Variants in ZNF804B observed in about 807,000 individuals in gnomAD.
ZNF804B encodes zinc finger protein 804B, also known as zinc finger 804B.
A neutral mutation model predicts 101.4 loss-of-function variants in ZNF804B; 80 were observed. The observed-to-expected ratio is 0.79, with a 90% CI of 0.66 to 0.95. The LOEUF is 0.95. ZNF804B is among the 40% of genes least tolerant of loss of function. ZNF804B has a pLI of 0.00. For missense variants in ZNF804B, 1,673 were observed against 1,561.9 expected, an observed-to-expected ratio of 1.07 and a Z score of -1.20; for synonymous variants, 622 against 558.8, an observed-to-expected ratio of 1.11 and a Z score of -1.59.
chr7:88,846,305 A>G (rs557245893), intron 1 of ZNF804B, among the ~76,000 whole-genome samples: 1 of 152,234 alleles, frequency 6.6e-6, no homozygotes, highest in African/African-American at 2.4e-5. Context: ...ACTGAGTAGA[A>G]AAAAACTATG....
At chr7:89,017,343 T>A (rs1235868622) in intron 1 of ZNF804B, among the ~76,000 whole-genome samples, 1 of 152,138 alleles carries the variant, frequency 6.6e-6, no homozygotes, top group Admixed American at 6.6e-5. Context: ...TCTCCTGCCT[T>A]ACTGCCCTGG....
intron 1 of ZNF804B, among the ~76,000 whole-genome samples, chr7:88,764,230 A>C (rs759397366): frequency 9.2e-5 from 14 of 152,168 alleles, no homozygotes; most frequent in Non-Finnish European, 2.1e-4. Flanking sequence ...AATGGTAGAT[A>C]TATATTTTAT....
chr7:89,145,457 A>C (rs1490790380), intron 1 of ZNF804B, among the ~76,000 whole-genome samples: 1 of 152,060 alleles, frequency 6.6e-6, no homozygotes, highest in Non-Finnish European at 1.5e-5. Flanking sequence ...TAATGCATTC[A>C]TACATTTAAA....
intron 2 of ZNF804B, among the ~76,000 whole-genome samples, chr7:89,243,925 C>T (rs1217562454): frequency 1.3e-5 from 2 of 151,750 alleles, no homozygotes; most frequent in East Asian, 3.9e-4. Context: ...TTTATATTTC[C>T]AAATACATAA....
At chr7:89,322,206 G>A (rs946625863) in intron 2 of ZNF804B, among the ~76,000 whole-genome samples, 5 of 152,076 alleles carry the variant, frequency 3.3e-5, no homozygotes, top group African/African-American at 9.7e-5. Flanking sequence ...ACTGTTAACC[G>A]CTTGACATAA....
At chr7:89,004,140 A>G (rs1788335474) in intron 1 of ZNF804B, among the ~76,000 whole-genome samples, 1 of 151,692 alleles carries the variant, frequency 6.6e-6, no homozygotes, top group Non-Finnish European at 1.5e-5. Flanking sequence ...GGCACTGGTA[A>G]TATCTGGTTA....
intron 1 of ZNF804B, among the ~76,000 whole-genome samples, chr7:88,916,172 T>C (rs1407039353): frequency 6.6e-6 from 1 of 152,070 alleles, no homozygotes; most frequent in Non-Finnish European, 1.5e-5. Flanking sequence ...GAATTTACAT[T>C]TTCCATTATT....
chr7:89,136,530 T>C (rs1790636629), intron 1 of ZNF804B, among the ~76,000 whole-genome samples: 1 of 152,058 alleles, frequency 6.6e-6, no homozygotes, highest in African/African-American at 2.4e-5. Context: ...CTGCCACCTT[T>C]CCCCCAGCTT....
At chr7:89,217,249 T>A (rs1412784020) in intron 1 of ZNF804B, among the ~76,000 whole-genome samples, 2 of 152,182 alleles carry the variant, frequency 1.3e-5, no homozygotes, top group Non-Finnish European at 2.9e-5. Flanking sequence ...GTTTTTCTGG[T>A]ATATTGAGAA....
chr7:88,868,884 C>T (rs768665126), intron 1 of ZNF804B, among the ~76,000 whole-genome samples: 2 of 152,186 alleles, frequency 1.3e-5, no homozygotes, highest in African/African-American at 2.4e-5. Flanking sequence ...AGACAGGAAT[C>T]GCATTTTAAT....
At chr7:88,928,803 G>A (rs1792842866) in intron 1 of ZNF804B, among the ~76,000 whole-genome samples, 1 of 152,046 alleles carries the variant, frequency 6.6e-6, no homozygotes, top group African/African-American at 2.4e-5. Context: ...TAACAGTTAA[G>A]TATCTTGCTT....
chr7:88,983,867 C>A (rs1251831031), intron 1 of ZNF804B, among the ~76,000 whole-genome samples: 3 of 151,930 alleles, frequency 2.0e-5, no homozygotes, highest in Non-Finnish European at 2.9e-5. Context: ...GATCATTTAC[C>A]TTGAAAATTT....
At chr7:89,006,581 TTAA>T (rs1400419551) in intron 1 of ZNF804B, among the ~76,000 whole-genome samples, 1 of 152,016 alleles carries the variant, frequency 6.6e-6, no homozygotes, top group Non-Finnish European at 1.5e-5. Flanking sequence ...ATTTATCATA[TTAA>T]TAATTTAAAG....
intron 2 of ZNF804B, among the ~76,000 whole-genome samples, chr7:89,235,871 GTAAA>G (rs1446206090): frequency 1.3e-5 from 2 of 151,710 alleles, no homozygotes; most frequent in Non-Finnish European, 2.9e-5. Flanking sequence ...GAAATAGGTA[GTAAA>G]TAAATGTGTA....
intron 1 of ZNF804B, among the ~76,000 whole-genome samples, chr7:89,023,683 G>A (rs1788704126): frequency 6.6e-6 from 1 of 152,086 alleles, no homozygotes; most frequent in African/African-American, 2.4e-5. Context: ...TTCAGCATTT[G>A]TATAGATTTG....
intron 1 of ZNF804B, among the ~76,000 whole-genome samples, chr7:88,930,527 T>C (rs566130529): frequency 3.3e-5 from 5 of 152,074 alleles, no homozygotes; most frequent in African/African-American, 1.2e-4. Context: ...CCAGACCATA[T>C]TTAAAAACTG....
chr7:89,226,991 T>G (rs991995201), intron 2 of ZNF804B, among the ~76,000 whole-genome samples: 10 of 152,196 alleles, frequency 6.6e-5, no homozygotes, highest in African/African-American at 9.6e-5. Context: ...GGCCTCCGTC[T>G]TTCTGCTCCA....
Position 89,334,357 on chromosome 7 carries a change from A to G in ZNF804B, c.1375A>G (p.Thr459Ala), listed in dbSNP as rs1022219634. 4.3e-6 allele frequency: 7 copies of G among 1,613,712 alleles called. No homozygotes were observed. In the Admixed American group the frequency reaches 8.3e-5, roughly 19 times the overall value. ...KDGHTTLQWP[T>A]ELLLFTKTEP... ...TGGCCACACCACTCTTCAATGGCCTACGGAACTTCTGCTCTTTACAAAAAC... is the reference window on the plus strand; with the variant it reads ...TGGCCACACCACTCTTCAATGGCCTGCGGAACTTCTGCTCTTTACAAAAAC... Residue 459 changes from threonine to alanine, a missense_variant, in exon 4 of 4, where the codon ACG (threonine) becomes GCG (alanine). By Grantham distance (58) the Thr-to-Ala change is moderately conservative. Transcript: ENST00000333190.
intron 1 of ZNF804B, among the ~76,000 whole-genome samples, chr7:88,921,474 C>A (rs1792718044): frequency 6.6e-6 from 1 of 152,064 alleles, no homozygotes; most frequent in Admixed American, 6.6e-5. Context: ...TAAAACATTT[C>A]TATTGTATGT....
Sources: gnomAD v4.1 joint callset for allele counts (sites outside exome capture counted in the v4.1 genomes callset) on GRCh38, gnomAD v4.1.1 for gene constraint, MANE v1.5 for transcripts, NCBI Gene and HGNC (gene_info 2026-07-23, HGNC 2026-07-21) for gene names.